CARMIL3: variants seen among roughly 807,000 people sequenced by gnomAD.
CARMIL3 encodes capping protein, Arp2/3 and myosin-I linker protein 3.
A neutral mutation model predicts 180.8 loss-of-function variants in CARMIL3; 88 were observed. The observed-to-expected ratio is 0.49, with a 90% CI of 0.41 to 0.58. CARMIL3 has a LOEUF of 0.58. Among genes scored for constraint, CARMIL3 ranks in the 20% least tolerant of loss-of-function variants. CARMIL3 has a pLI of 0.00. For synonymous variants in CARMIL3, 696 were observed against 714.5 expected, an observed-to-expected ratio of 0.97 and a Z score of 0.41; for missense variants, 1,548 against 1,787.0, an observed-to-expected ratio of 0.87 and a Z score of 2.41.
Position 24,066,448 on chromosome 14 carries a change from C to T in CARMIL3, c.3576C>T (p.Arg1192=). 1 of 1,614,250 alleles carries T rather than the reference C, an allele frequency of 6.2e-7. No homozygotes were observed. Among genetic ancestry groups the T allele is most frequent in the Non-Finnish European group, 8.5e-7 (1 of 1,180,042 alleles). ...EGSTQAWQKR[R]SSDDAGPGSW... ...GCACCCAGGCCTGGCAGAAACGGCG[C>T]TCTTCAGACGACGCAGGTAAGAACA... Residue 1192 remains arginine (R), a synonymous_variant, in exon 35 of 40, where the codon CGC becomes CGT. Transcript: ENST00000342740.
Position 24,057,191 on chromosome 14 carries a change from C to T in CARMIL3, c.1087C>T (p.Pro363Ser). 2 of 1,614,022 alleles carry T rather than the reference C, an allele frequency of 1.2e-6. No individual in the cohort carries two copies. Among genetic ancestry groups the T allele is most frequent in the Non-Finnish European group, 1.7e-6 (2 of 1,179,942 alleles). ...GGCCCTCTACAGTTTCCTGGCCCAA[C>T]CCAACGCCCTGGTGCACCTGGACCT... ...ANALYSFLAQ[P>S]NALVHLDLSG... Residue 363 changes from proline (P) to serine (S), a missense_variant, in exon 14 of 40, where the codon CCC becomes TCC. By Grantham distance (74) the Pro-to-Ser change is moderately conservative. Coordinates refer to ENST00000342740, the MANE Select transcript of CARMIL3 (RefSeq NM_138360.4).
intron 34 of CARMIL3, among the ~76,000 whole-genome samples, chr14:24,066,061 C>T (rs56388365): frequency 0.21 from 32,129 of 152,212 alleles, 3,719 homozygotes; most frequent in East Asian, 0.32. Context: ...TGAATTATTA[C>T]TTACATAGTA....
Position 24,055,633 on chromosome 14 carries a change from G to A in CARMIL3, c.681+15G>A, listed in dbSNP as rs371319170. ...ACTTGCGGCTGGTAGGAACTGGGAGGGGCTGGTGAGGTGGGAGAAGTAGTG... is the reference window on the plus strand; with the variant it reads ...ACTTGCGGCTGGTAGGAACTGGGAGAGGCTGGTGAGGTGGGAGAAGTAGTG... On this transcript the variant is annotated intron_variant, in intron 9 of 39. Coordinates refer to ENST00000342740, the MANE Select transcript of CARMIL3 (RefSeq NM_138360.4). 2.4e-4 allele frequency: 381 copies of A among 1,613,962 alleles called. 2 individuals carry two copies. Among genetic ancestry groups the A allele is most frequent in the Non-Finnish European group, 2.6e-4 (303 of 1,179,994 alleles).
rs1477838118 is a variant in CARMIL3, at chr14:24,056,624, T to A, written c.868T>A (p.Phe290Ile). The A allele has an allele frequency of 6.2e-7, 1 of 1,613,898 alleles. No homozygotes were observed. The highest frequency in any genetic ancestry group is 8.5e-7 in the Non-Finnish European group (1 of 1,180,004). Residue 290 changes from phenylalanine (F) to isoleucine (I), a missense_variant and splice_region_variant, in exon 12 of 40, where the codon TTT (phenylalanine) becomes ATT (isoleucine). Phe to Ile is a conservative substitution (Grantham distance 21). Coordinates refer to ENST00000342740, the MANE Select transcript of CARMIL3 (RefSeq NM_138360.4). ...LSHNPIEDKG[F>I]LSLSQQLLCF... ...CCGTTTCTCTCTCCACTCCCCAGGT[T>A]TTCTCAGTCTGAGCCAGCAGCTCCT...
intron 31 of CARMIL3, 150 bp downstream of exon 31, chr14:24,063,683 C>A: frequency 2.8e-6 from 2 of 716,388 alleles, no homozygotes; most frequent in Non-Finnish European, 4.4e-6. Context: ...AGGGATTGCC[C>A]AGTTTTTATG....
Position 24,061,627 on chromosome 14 carries a change from G to A in CARMIL3, c.2435G>A (p.Gly812Glu). The change falls in exon 27 of 40, where the codon GGG (glycine) becomes GAG (glutamate). Residue 812 changes from glycine (G) to glutamate (E), a missense_variant. Physicochemically the swap from Gly to Glu is moderately conservative, Grantham distance 98. Coordinates refer to ENST00000342740, the MANE Select transcript of CARMIL3 (RefSeq NM_138360.4). This position sits in a 1 kb window ranked among gnomAD's most constrained non-coding sequence, Gnocchi z 4.1. ...ACTGTGCCCCGGAACTTCATCCGAG[G>A]GGCACTGCTGGAGCAAGCAGGACAG... is the stretch of plus-strand genomic sequence containing the variant. Reference protein sequence around the residue: ...RVTVPRNFIRGALLEQAGQDI... With the variant: ...RVTVPRNFIREALLEQAGQDI... The A allele has an allele frequency of 1.2e-6, 2 of 1,613,928 alleles. No individual in the cohort carries two copies.
chr14:24,053,456 G>A (rs1405578349), intron 1 of CARMIL3, among the ~76,000 whole-genome samples: 2 of 152,174 alleles, frequency 1.3e-5, no homozygotes, highest in Non-Finnish European at 2.9e-5. Context: ...ACCGTCCCCT[G>A]ACTCAGGGAC....
chr14:24,062,184 C>G, intron 27 of CARMIL3: 1 of 520,288 alleles, frequency 1.9e-6, no homozygotes, highest in Admixed American at 3.2e-5. Context: ...AATTACCTAG[C>G]TCTGTTCCAC....
intron 23 of CARMIL3, 21 bp downstream of exon 23, chr14:24,060,084 C>T: frequency 6.2e-7 from 1 of 1,613,760 alleles, no homozygotes; most frequent in Admixed American, 1.7e-5. Context: ...CTGTCCTAAG[C>T]AGGGTGGCAC....
In CARMIL3 at chr14:24,065,537, G is replaced by A. The variant is rs2035777841; in HGVS notation, c.3397-85G>A. 2.0e-6 allele frequency: 3 copies of A among 1,519,810 alleles called. No individual in the cohort carries two copies. The African/African-American group carries it at 4.2e-5, about 21-fold the overall frequency. The allele number at this position is 1,519,810 out of a possible 1,614,324, so 94.1% of individuals were successfully genotyped here. A position where few individuals can be genotyped will look rare whatever the true frequency, so the allele number is the denominator to read the frequency against. Reference sequence around the variant, plus strand: ...TCCCCGTGGCTAGGGACTCAGTGAGGCAGGGGTCCTCCTGACAACTCCCTC... The same window carrying A: ...TCCCCGTGGCTAGGGACTCAGTGAGACAGGGGTCCTCCTGACAACTCCCTC... On this transcript the variant is annotated intron_variant, in intron 33 of 39. Coordinates refer to ENST00000342740, the MANE Select transcript of CARMIL3 (RefSeq NM_138360.4).
At position 24,057,962 on chromosome 14, in the gene CARMIL3, AG is replaced by A; in HGVS notation, c.1223del (p.Gly408ValfsTer18). 1 of 1,613,446 alleles carries A rather than the reference AG, an allele frequency of 6.2e-7. No homozygotes were observed. Among genetic ancestry groups the A allele is most frequent in the Non-Finnish European group, 8.5e-7 (1 of 1,179,982 alleles). ...NLARNSCSHRKGREAPPAFKQ... is the reference protein window; with the variant it reads ...NLARNSCSHRXGREAPPAFKQ... ...TGACCCCAGGGGTCTCTCCACAGGA[AG>A]GGTCGAGAGGCCCCGCCGGCCTTCA... On this transcript the variant is annotated frameshift_variant, in exon 16 of 40. Coordinates refer to ENST00000342740, the MANE Select transcript of CARMIL3 (RefSeq NM_138360.4). LOFTEE classifies it high-confidence loss of function.
In CARMIL3 at chr14:24,057,236, A is replaced by G. The variant is rs1257068642; in HGVS notation, c.1132A>G (p.Ile378Val). 3 of 1,613,786 alleles carry G rather than the reference A, an allele frequency of 1.9e-6. No homozygotes were observed. The Admixed American group carries it at 5.0e-5, about 27-fold the overall frequency. Residue 378 changes from isoleucine to valine, a missense_variant, in exon 14 of 40, where the codon ATC (isoleucine) becomes GTC (valine). Ile to Val is a conservative substitution (Grantham distance 29, BLOSUM62 3). This residue lies in a region of CARMIL3 where 578 missense variants were observed against 666.5 expected (regional missense o/e 0.87). Transcript: ENST00000342740. Reference protein sequence around the residue: ...HLDLSGTDCVIDLLLGALLHG... With the variant: ...HLDLSGTDCVVDLLLGALLHG... Reference sequence around the variant, plus strand: ...GGACCTGTCAGGAACTGACTGCGTCATCGACTTGGTGAGGAGTTGGTGATG... The same window carrying G: ...GGACCTGTCAGGAACTGACTGCGTCGTCGACTTGGTGAGGAGTTGGTGATG...
chr14:24,063,484 G>A lies in CARMIL3; in HGVS notation c.2930G>A (p.Gly977Glu). Residue 977 changes from glycine (G) to glutamate (E), a missense_variant, in exon 31 of 40, where the codon GGG becomes GAG. Physicochemically the swap from Gly to Glu is moderately conservative, Grantham distance 98. Transcript: ENST00000342740. ...HGYKLRHQTQ[G>E]RPRPPRTTPP... ...TACAAACTAAGGCATCAAACACAAG[G>A]GAGGCCCCGCCCCCCCAGGACCACA... 1 of 1,613,636 alleles carries A rather than the reference G, an allele frequency of 6.2e-7. No individual in the cohort carries two copies.
Position 24,069,225 on chromosome 14 carries a change from A to G in CARMIL3, c.4071A>G (p.Arg1357=). The change falls in exon 39 of 40, where the codon AGA becomes AGG. Residue 1357 remains arginine, a synonymous_variant. Coordinates refer to ENST00000342740, the MANE Select transcript of CARMIL3 (RefSeq NM_138360.4). ...CCTGTGACAAGCTGGAACCTGATAGAAGACGGCCTCCTGACCCCACAGGTG... is the reference window on the plus strand; with the variant it reads ...CCTGTGACAAGCTGGAACCTGATAGGAGACGGCCTCCTGACCCCACAGGTG... ...AQSCDKLEPD[R]RRPPDPTGTS... 2 of 1,613,980 alleles carry G rather than the reference A, an allele frequency of 1.2e-6. No individual in the cohort carries two copies. Among genetic ancestry groups the G allele is most frequent in the Middle Eastern group, 1.7e-4 (1 of 6,060 alleles).
Position 24,055,732 on chromosome 14 carries a change from C to G in CARMIL3, c.713C>G (p.Thr238Ser). 1 of 1,614,108 alleles carries G rather than the reference C, an allele frequency of 6.2e-7. No individual in the cohort carries two copies. Among genetic ancestry groups the G allele is most frequent in the South Asian group, 1.1e-5 (1 of 91,076 alleles). The stretch of plus-strand genomic sequence containing the variant: ...GAAGTGCTAGAACAGGTGCTACATA[C>G]CCTAAGCAAGTCGGGGAGCCTCGAA... The part of the protein sequence containing the change: ...GSEVLEQVLH[T>S]LSKSGSLEEL... The change falls in exon 10 of 40, where the codon ACC (threonine) becomes AGC (serine). Residue 238 changes from threonine (T) to serine (S), a missense_variant. Transcript: ENST00000342740.
At position 24,061,238 on chromosome 14, in the gene CARMIL3, G is replaced by T. The variant is rs1485423565; in HGVS notation, c.2304+198G>T. On this transcript the variant is annotated intron_variant, in intron 26 of 39. Coordinates refer to ENST00000342740, the MANE Select transcript of CARMIL3 (RefSeq NM_138360.4). This position sits in a 1 kb window ranked among gnomAD's most constrained non-coding sequence, Gnocchi z 4.1. ...TTTTTTTCTGCTAGCTTTGATGTTG[G>T]TCCCTGAACTCTGACCTCCCTGCTC... The T allele has an allele frequency of 3.2e-6, 2 of 633,342 alleles. No homozygotes were observed. Among genetic ancestry groups the T allele is most frequent in the East Asian group, 2.7e-5 (1 of 36,462 alleles). 39.2% of individuals were successfully genotyped at this position (633,342 alleles called of 1,614,324 possible). A position where few individuals can be genotyped will look rare whatever the true frequency, so the allele number is the denominator to read the frequency against.
Position 24,061,397 on chromosome 14 carries a change from C to G in CARMIL3, c.2305-100C>G. Reference sequence around the variant, plus strand: ...TTGTGACTTAGGCAGGTCCCTCAGTCTCAGCAGGAGGGGCTGGAATAGATA... The same window carrying G: ...TTGTGACTTAGGCAGGTCCCTCAGTGTCAGCAGGAGGGGCTGGAATAGATA... On this transcript the variant is annotated intron_variant, in intron 26 of 39. Transcript: ENST00000342740. The surrounding 1 kb of genome is among the most constrained non-coding windows in gnomAD (Gnocchi z 4.1). 1 of 1,275,804 alleles carries G rather than the reference C, an allele frequency of 7.8e-7. No homozygotes were observed. Among genetic ancestry groups the G allele is most frequent in the South Asian group, 1.5e-5 (1 of 65,778 alleles). 79.0% of individuals were successfully genotyped at this position (1,275,804 alleles called of 1,614,324 possible).
In CARMIL3 at chr14:24,054,993, G is replaced by A; in HGVS notation, c.461-73G>A. 6.5e-7 allele frequency: 1 copy of A among 1,531,566 alleles called. No individual in the cohort carries two copies. The highest frequency in any genetic ancestry group is 1.7e-5 in the Admixed American group (1 of 59,406). 94.9% of individuals were successfully genotyped at this position (1,531,566 alleles called of 1,614,324 possible). A position where few individuals can be genotyped will look rare whatever the true frequency, so the allele number is the denominator to read the frequency against. ...GAGCACTGGCACATAAAGTGACCTT[G>A]ACTGTTCTTGAACCCCAAGCCTATT... On this transcript the variant is annotated intron_variant, in intron 6 of 39. Transcript: ENST00000342740. This position sits in a 1 kb window ranked among gnomAD's most constrained non-coding sequence, Gnocchi z 5.1.
intron 14 of CARMIL3, 62 bp downstream of exon 14, chr14:24,057,306 G>A (rs1011331878): frequency 8.2e-6 from 12 of 1,472,184 alleles, no homozygotes; most frequent in Middle Eastern, 1.7e-4. Flanking sequence ...AGTGGGCCTC[G>A]GTCTCACCCC....
Sources: allele counts gnomAD v4.1 joint callset (sites outside exome capture counted in the v4.1 genomes callset), GRCh38; gene constraint gnomAD v4.1.1; regional missense constraint gnomAD v4.1.1; non-coding constraint Gnocchi (gnomAD v3.1); transcripts MANE v1.5; gene names NCBI Gene and HGNC (gene_info 2026-07-23, HGNC 2026-07-21).